The following PIK3R5 variants were observed in gnomAD, a reference collection of about 807,000 sequenced individuals.
PIK3R5 encodes phosphoinositide-3-kinase regulatory subunit 5.
Under a neutral mutation model 94.9 loss-of-function variants are expected in PIK3R5, and 32 were observed. The observed-to-expected ratio is 0.34, with a 90% CI of 0.25 to 0.45. PIK3R5 has a LOEUF of 0.45. Ranked by LOEUF, PIK3R5 falls within the 20% of genes least tolerant of loss-of-function variation. PIK3R5 has a pLI of 1.00. For synonymous variants in PIK3R5, 443 were observed against 479.4 expected (o/e 0.92, Z 0.99); for missense variants, 853 against 1,144.6 (o/e 0.75, Z 3.68).
chr17:8,932,333 A>G (rs1199259311), intron 1 of PIK3R5, among the ~76,000 whole-genome samples: 1 of 152,034 alleles, frequency 6.6e-6, no homozygotes, highest in Non-Finnish European at 1.5e-5. Flanking sequence ...TCCCAGGTTT[A>G]AGCAATTCTC....
At chr17:8,950,040 A>G (rs901515198) in intron 1 of PIK3R5, among the ~76,000 whole-genome samples, 1 of 152,248 alleles carries the variant, frequency 6.6e-6, no homozygotes, top group Admixed American at 6.5e-5. Flanking sequence ...AACCACCAGC[A>G]GCCAATAGGG....
chr17:8,951,054 T>C (rs1363204022), intron 1 of PIK3R5, among the ~76,000 whole-genome samples: 1 of 152,226 alleles, frequency 6.6e-6, no homozygotes, highest in Non-Finnish European at 1.5e-5. Flanking sequence ...TAATCAGTGA[T>C]AATGAGCATT....
chr17:8,925,433 G>T lies in PIK3R5; in HGVS notation c.-13-13926C>A, dbSNP rs141073069. ...GATGGATAGGTAGATAGTAGATGGA[G>T]AGATAGATAGTAGATGGATAGATAG... On this transcript the variant is annotated intron_variant, in intron 1 of 18. Coordinates refer to ENST00000447110, the MANE Select transcript of PIK3R5 (RefSeq NM_001142633.3). The surrounding 1 kb of genome is among the most constrained non-coding windows in gnomAD (Gnocchi z 5.1). Among the ~76,000 whole-genome samples the T allele has an allele frequency of 2.2e-3, 319 of 142,822 alleles. 5 individuals carry two copies. In the East Asian group the frequency reaches 0.052, roughly 23 times the overall value. The allele number at this position is 142,822 out of a possible 152,430, so 93.7% of individuals were successfully genotyped here.
chr17:8,945,444 A>C lies in PIK3R5; in HGVS notation c.-14+20152T>G, dbSNP rs901086474. Among the ~76,000 whole-genome samples the C allele has an allele frequency of 6.6e-5, 10 of 152,194 alleles. No individual in the cohort carries two copies. Among genetic ancestry groups the C allele is most frequent in the Non-Finnish European group, 8.8e-5 (6 of 68,034 alleles). On this transcript the variant is annotated intron_variant, in intron 1 of 18. Transcript: ENST00000447110. This position sits in a 1 kb window ranked among gnomAD's most constrained non-coding sequence, Gnocchi z 4.0. ...CTGGCAGCCCCTTGGCTACTCCTTC[A>C]TAAGCGAGGCTTCACTGGTGACCCA...
At chr17:8,900,661 C>T (rs2151390808) in intron 5 of PIK3R5, among the ~76,000 whole-genome samples, 1 of 152,346 alleles carries the variant, frequency 6.6e-6, no homozygotes, top group South Asian at 2.1e-4. Flanking sequence ...AAAGGACCCT[C>T]ATTCTACTTC....
At position 8,880,592 on chromosome 17, in the gene PIK3R5, G is replaced by T. The variant is rs772758361; in HGVS notation, c.*47C>A. On this transcript the variant is annotated 3_prime_UTR_variant, in exon 19 of 19. Transcript: ENST00000447110. ...GAGGGACTGTCCTGGAGGGGTGGCC[G>T]AGGAGGTTGCCCCAGGGCTTCTGTC... The T allele has an allele frequency of 5.2e-6, 8 of 1,535,396 alleles. No individual in the cohort carries two copies. Among genetic ancestry groups the T allele is most frequent in the Non-Finnish European group, 7.0e-6 (8 of 1,140,522 alleles).
At position 8,929,605 on chromosome 17, in the gene PIK3R5, C is replaced by T. The variant is rs550230157; in HGVS notation, c.-13-18098G>A. ...AACTCATAATTATAAGTGGGGACTG[C>T]CACAGTGGAATGCTATACAGCCAAA... On this transcript the variant is annotated intron_variant, in intron 1 of 18. Transcript: ENST00000447110. Among the ~76,000 whole-genome samples, 11 of 152,248 alleles carry T rather than the reference C, an allele frequency of 7.2e-5. No homozygotes were observed. In the South Asian group the frequency reaches 2.3e-3, roughly 32 times the overall value.
In PIK3R5 at chr17:8,894,518, C is replaced by T. The variant is rs1051542206; in HGVS notation, c.413-863G>A. ...GGCATCTGCATCCCAGGCTCCTCTC[C>T]CAGCCCGCATCCCCTTTCTCCCTGG... On this transcript the variant is annotated intron_variant, in intron 5 of 18. Transcript: ENST00000447110. Among the ~76,000 whole-genome samples, 5 of 152,334 alleles carry T rather than the reference C, an allele frequency of 3.3e-5. No individual in the cohort carries two copies. In the South Asian group the frequency reaches 1.0e-3, roughly 32 times the overall value.
intron 1 of PIK3R5, among the ~76,000 whole-genome samples, chr17:8,942,524 G>T (rs537877717): frequency 6.6e-6 from 1 of 152,190 alleles, no homozygotes; most frequent in South Asian, 2.1e-4. Context: ...TCTGCAGGAG[G>T]GGGTGAGGTG....
chr17:8,941,861 C>T (rs1340463699), intron 1 of PIK3R5, among the ~76,000 whole-genome samples: 9 of 152,216 alleles, frequency 5.9e-5, no homozygotes, highest in African/African-American at 2.4e-5. Flanking sequence ...ATGCAGGCAT[C>T]GAGATGCAGG....
Position 8,952,799 on chromosome 17 carries a change from C to T in PIK3R5, c.-14+12797G>A, listed in dbSNP as rs113137420. ...CAGATCTTCGGAGTAACACAGCCAA[C>T]GAGAAGTAAGCCTGCAGCTTTGAAA... On this transcript the variant is annotated intron_variant, in intron 1 of 18. Coordinates refer to ENST00000447110, the MANE Select transcript of PIK3R5 (RefSeq NM_001142633.3). Among the ~76,000 whole-genome samples the T allele has an allele frequency of 8.5e-3, 1,296 of 152,230 alleles. 19 individuals carry two copies. Among genetic ancestry groups the T allele is most frequent in the African/African-American group, 0.029 (1,207 of 41,528 alleles).
At chr17:8,946,732 G>A (rs529486384) in intron 1 of PIK3R5, among the ~76,000 whole-genome samples, 28 of 151,838 alleles carry the variant, frequency 1.8e-4, no homozygotes, top group African/African-American at 6.6e-4. Flanking sequence ...CAGCACAGCA[G>A]CCCACTCCTG....
Position 8,916,204 on chromosome 17 carries a change from C to T in PIK3R5, c.-13-4697G>A, listed in dbSNP as rs192362292. On this transcript the variant is annotated intron_variant, in intron 1 of 18. Coordinates refer to ENST00000447110, the MANE Select transcript of PIK3R5 (RefSeq NM_001142633.3). ...AGCTGAGCTGCCCTGGGGGTTAACC[C>T]AGCACACCGGGCTCACCACCCACCC... The T allele has an allele frequency of 1.0e-4, 16 of 152,462 alleles. 1 individual carries two copies. The East Asian group carries it at 3.1e-3, about 29-fold the overall frequency. 9.4% of individuals were successfully genotyped at this position (152,462 alleles called of 1,614,324 possible).
At chr17:8,958,579 G>A (rs535931341) in intron 1 of PIK3R5, among the ~76,000 whole-genome samples, 1 of 152,266 alleles carries the variant, frequency 6.6e-6, no homozygotes, top group South Asian at 2.1e-4. Flanking sequence ...TTACATCAAG[G>A]CACTGGTTCT....
intron 1 of PIK3R5, among the ~76,000 whole-genome samples, chr17:8,960,522 T>C (rs936880775): frequency 6.6e-6 from 1 of 152,236 alleles, no homozygotes; most frequent in Non-Finnish European, 1.5e-5. Flanking sequence ...TCACAGAAGG[T>C]GCGCTCCATG....
At chr17:8,954,077 AAAAAAAG>A (rs928216599) in intron 1 of PIK3R5, among the ~76,000 whole-genome samples, 14 of 151,788 alleles carry the variant, frequency 9.2e-5, no homozygotes, top group East Asian at 1.9e-4. Flanking sequence ...AGAAAAAAAG[AAAAAAAG>A]AAAAAAGAAA....
At chr17:8,959,211 TAC>T (rs1370033962) in intron 1 of PIK3R5, among the ~76,000 whole-genome samples, 1 of 152,218 alleles carries the variant, frequency 6.6e-6, no homozygotes, top group East Asian at 1.9e-4. Flanking sequence ...CAGTGTCCTC[TAC>T]ACAGTTTTCA....
chr17:8,914,028 G>A (rs1413704469), intron 1 of PIK3R5, among the ~76,000 whole-genome samples: 1 of 152,236 alleles, frequency 6.6e-6, no homozygotes, highest in Non-Finnish European at 1.5e-5. Context: ...AAGACCCTCT[G>A]GAGGTGGGTC....
rs181560571 is a variant in PIK3R5 at position 8,955,716 on chromosome 17, G to A, written c.-14+9880C>T. 2.0e-5 allele frequency among the ~76,000 whole-genome samples: 3 copies of A among 152,246 alleles called. No individual in the cohort carries two copies. The highest frequency in any genetic ancestry group is 1.3e-4 in the Admixed American group (2 of 15,290). On this transcript the variant is annotated intron_variant, in intron 1 of 18. Coordinates refer to ENST00000447110, the MANE Select transcript of PIK3R5 (RefSeq NM_001142633.3). This position sits in a 1 kb window ranked among gnomAD's most constrained non-coding sequence, Gnocchi z 4.4. ...GGAGAAAGGAAGCACCATCAAAACG[G>A]GCTGGGGAGTGGGGAACAAGGAAGA...
Sources: allele counts gnomAD v4.1 joint callset (sites outside exome capture counted in the v4.1 genomes callset), GRCh38; gene constraint gnomAD v4.1.1; non-coding constraint Gnocchi (gnomAD v3.1); transcripts MANE v1.5; gene names NCBI Gene and HGNC (gene_info 2026-07-23, HGNC 2026-07-21).